Variants in CEP112 observed in about 807,000 individuals in gnomAD.
CEP112 encodes the protein centrosomal protein 112, also known as centrosomal protein of 112 kDa.
Under a neutral mutation model 153.0 loss-of-function variants are expected in CEP112, and 127 were observed. The ratio of observed to expected loss-of-function variants is 0.83; its 90% confidence interval spans 0.72 to 0.96. The LOEUF is 0.96. Among genes scored for constraint, CEP112 ranks in the 40% least tolerant of loss-of-function variants. The pLI is 0.00. For synonymous variants in CEP112, 358 were observed against 374.4 expected (o/e 0.96, Z 0.51); for missense variants, 1,089 against 1,101.2 (o/e 0.99, Z 0.16).
chr17:65,929,269 C>A (rs1331251479), intron 18 of CEP112, among the ~76,000 whole-genome samples: 1 of 152,168 alleles, frequency 6.6e-6, no homozygotes, highest in Non-Finnish European at 1.5e-5. Flanking sequence ...GATTCCACCA[C>A]ACCCATGAGG....
chr17:65,976,026 A>T (rs1394635383), intron 17 of CEP112, among the ~76,000 whole-genome samples: 1 of 152,234 alleles, frequency 6.6e-6, no homozygotes, highest in African/African-American at 2.4e-5. Flanking sequence ...CTATAAAGTA[A>T]GCTCTTCAGC....
chr17:66,187,564 A>C (rs983061016), intron 1 of CEP112, among the ~76,000 whole-genome samples: 3 of 151,992 alleles, frequency 2.0e-5, no homozygotes, highest in East Asian at 1.9e-4. Flanking sequence ...TGGCTCCCCT[A>C]CTGCCTCAGA....
At chr17:66,168,503 GTATATA>G (rs1356716108) in intron 4 of CEP112, among the ~76,000 whole-genome samples, 1 of 146,196 alleles carries the variant, frequency 6.8e-6, no homozygotes, top group Non-Finnish European at 1.5e-5. Flanking sequence ...GTATATATAT[GTATATA>G]TGTGTGTGTA....
At chr17:65,870,044 A>AGAAC (rs2058608692) in intron 20 of CEP112, among the ~76,000 whole-genome samples, 1 of 74,794 alleles carries the variant, frequency 1.3e-5, no homozygotes, top group East Asian at 5.2e-4. Flanking sequence ...AAAGAAAGAA[A>AGAAC]GAAAGAAAGA....
rs762352624 is a variant in CEP112 at position 65,640,137 on chromosome 17, C to CATATAT, written c.2799+821_2799+826dup. Among the ~76,000 whole-genome samples, 500 of 112,094 alleles carry CATATAT rather than the reference C, an allele frequency of 4.5e-3. 8 individuals carry two copies. The highest frequency in any genetic ancestry group is 0.012 in the African/African-American group (233 of 19,788). The allele number at this position is 112,094 out of a possible 152,430, so 73.5% of individuals were successfully genotyped here. On this transcript the variant is annotated intron_variant, in intron 25 of 26. Coordinates refer to ENST00000535342, the MANE Select transcript of CEP112 (RefSeq NM_001199165.4). ...ACAGGCGTGAGCCACTGCACCCGAC[C>CATATAT]ATATATATATATATATATTTTTTTT... is the stretch of plus-strand genomic sequence containing the variant.
intron 20 of CEP112, among the ~76,000 whole-genome samples, chr17:65,869,579 CT>C (rs55675305): frequency 0.88 from 105,239 of 120,166 alleles, 46,073 homozygotes; most frequent in East Asian, 0.95. Flanking sequence ...GATAAACTTT[CT>C]TTTTTTTTTT....
chr17:66,078,535 C>T (rs577624692), intron 8 of CEP112, among the ~76,000 whole-genome samples: 16 of 152,244 alleles, frequency 1.1e-4, no homozygotes, highest in African/African-American at 3.4e-4. Context: ...GGATTACAGG[C>T]GTGAGCCACT....
intron 19 of CEP112, among the ~76,000 whole-genome samples, chr17:65,919,094 C>T (rs540621529): frequency 6.6e-6 from 1 of 152,254 alleles, no homozygotes; most frequent in Admixed American, 6.5e-5. Flanking sequence ...ATGAATAGCA[C>T]CCCCCTGGGG....
chr17:65,755,933 T>C (rs1258656732), intron 21 of CEP112, among the ~76,000 whole-genome samples: 1 of 152,142 alleles, frequency 6.6e-6, no homozygotes, highest in Non-Finnish European at 1.5e-5. Context: ...GTCATCAGTT[T>C]ATATAGGGTG....
At chr17:65,737,403 G>T (rs2050866007) in intron 23 of CEP112, among the ~76,000 whole-genome samples, 1 of 152,176 alleles carries the variant, frequency 6.6e-6, no homozygotes, top group African/African-American at 2.4e-5. Flanking sequence ...AATCTGGAGA[G>T]AAGCAAATGG....
At chr17:66,097,138 T>C (rs1028828607) in intron 6 of CEP112, among the ~76,000 whole-genome samples, 3 of 152,174 alleles carry the variant, frequency 2.0e-5, no homozygotes, top group Non-Finnish European at 4.4e-5. Context: ...GGACTCCCCC[T>C]AAATCTCCCT....
chr17:66,080,591 G>C (rs2067677530), intron 8 of CEP112, among the ~76,000 whole-genome samples: 1 of 152,196 alleles, frequency 6.6e-6, no homozygotes, highest in South Asian at 2.1e-4. Context: ...AACCATTATG[G>C]AAGACAGTGT....
At chr17:65,847,375 T>C (rs1240908483) in intron 21 of CEP112, among the ~76,000 whole-genome samples, 1 of 152,188 alleles carries the variant, frequency 6.6e-6, no homozygotes, top group Non-Finnish European at 1.5e-5. Context: ...TATATCTTCT[T>C]CCTTTCCAAG....
intron 18 of CEP112, among the ~76,000 whole-genome samples, chr17:65,958,642 C>T (rs192229790): frequency 1.3e-5 from 2 of 152,340 alleles, no homozygotes; most frequent in African/African-American, 4.8e-5. Flanking sequence ...GGAGGGAAGC[C>T]AAGTGGGTGC....
At chr17:66,123,270 A>G (rs1441354732) in intron 6 of CEP112, among the ~76,000 whole-genome samples, 2 of 152,222 alleles carry the variant, frequency 1.3e-5, no homozygotes, top group African/African-American at 4.8e-5. Context: ...CTCACCAGGA[A>G]TTTAGCCACC....
intron 23 of CEP112, among the ~76,000 whole-genome samples, chr17:65,740,040 AT>A (rs778495201): frequency 7.2e-5 from 11 of 152,228 alleles, no homozygotes; most frequent in Non-Finnish European, 1.6e-4. Context: ...CATTAGTAAA[AT>A]TTTGATATAA....
At chr17:66,186,064 G>A (rs1042564921) in intron 1 of CEP112, among the ~76,000 whole-genome samples, 1 of 150,804 alleles carries the variant, frequency 6.6e-6, no homozygotes, top group Admixed American at 6.6e-5. Context: ...GCTCTCTCAT[G>A]CATCCTCTGT....
intron 21 of CEP112, among the ~76,000 whole-genome samples, chr17:65,815,298 T>C (rs1174152339): frequency 1.3e-5 from 2 of 152,106 alleles, no homozygotes; most frequent in Non-Finnish European, 2.9e-5. Flanking sequence ...CCATTCATTA[T>C]CTTAGCACAT....
intron 23 of CEP112, among the ~76,000 whole-genome samples, chr17:65,730,179 A>G (rs1411087036): frequency 6.6e-6 from 1 of 152,248 alleles, no homozygotes; most frequent in Non-Finnish European, 1.5e-5. Context: ...TCCACTGAAC[A>G]AAGAATCTTA....
Sources: allele counts gnomAD v4.1 joint callset (sites outside exome capture counted in the v4.1 genomes callset), GRCh38; gene constraint gnomAD v4.1.1; transcripts MANE v1.5; gene names NCBI Gene and HGNC (gene_info 2026-07-23, HGNC 2026-07-21).